The following CNTLN variants were observed in gnomAD, a reference collection of about 807,000 sequenced individuals.
CNTLN encodes centlein, also known as centlein, centrosomal protein.
A neutral mutation model predicts 180.0 loss-of-function variants in CNTLN; 212 were observed. The observed-to-expected ratio is 1.18, with a 90% confidence interval of 1.05 to 1.32. CNTLN has a LOEUF of 1.32. Among genes scored for constraint, CNTLN ranks in the 40% most tolerant of loss-of-function variants. The pLI, the probability that CNTLN is intolerant of heterozygous loss-of-function variation, is 0.00. For synonymous variants in CNTLN, 722 were observed against 563.1 expected, an observed-to-expected ratio of 1.28 and a Z score of -3.99; for missense variants, 2,095 against 1,610.9, an observed-to-expected ratio of 1.30 and a Z score of -5.14.
chr9:17,348,419 C>T (rs1822088605), intron 12 of CNTLN, among the ~76,000 whole-genome samples: 1 of 152,132 alleles, frequency 6.6e-6, no homozygotes, highest in African/African-American at 2.4e-5. Context: ...ACTTACTCCT[C>T]CCTTTTACCT....
At chr9:17,220,445 GT>G (rs1824054769) in intron 2 of CNTLN, among the ~76,000 whole-genome samples, 1 of 151,996 alleles carries the variant, frequency 6.6e-6, no homozygotes, top group Non-Finnish European at 1.5e-5. Context: ...ACATGTGCAG[GT>G]TTGTAATGTA....
At chr9:17,457,185 G>A (rs1468438726) in intron 18 of CNTLN, among the ~76,000 whole-genome samples, 2 of 152,052 alleles carry the variant, frequency 1.3e-5, no homozygotes, top group African/African-American at 4.8e-5. Context: ...TCCCAGTTAA[G>A]TACTACATCA....
At position 17,299,389 on chromosome 9, in the gene CNTLN, T is replaced by A. The variant is rs75640801; in HGVS notation, c.1146+1037T>A. The A allele has an allele frequency of 1.7e-3, 1,584 of 907,898 alleles. 29 individuals are homozygous for A. The East Asian group carries it at 0.05, about 29-fold the overall frequency. 56.2% of individuals were successfully genotyped at this position (907,898 alleles called of 1,614,324 possible). A position where few individuals can be genotyped will look rare whatever the true frequency, so the allele number is the denominator to read the frequency against. On this transcript the variant is annotated intron_variant, in intron 7 of 25. Coordinates refer to ENST00000380647, the MANE Select transcript of CNTLN (RefSeq NM_017738.4). ...TTGAGGCAAGTGAGGCTTAGAGAGG[T>A]TAAATAATACACAGTTCATATTATC...
chr9:17,237,859 T>G (rs1005109929), intron 5 of CNTLN, among the ~76,000 whole-genome samples: 12 of 152,154 alleles, frequency 7.9e-5, no homozygotes, highest in African/African-American at 2.4e-4. Flanking sequence ...TTAAGTCTAT[T>G]AGTGCACAAT....
At chr9:17,177,958 A>G (rs140409949) in intron 2 of CNTLN, among the ~76,000 whole-genome samples, 2,654 of 151,656 alleles carry the variant, frequency 0.018, 43 homozygotes, top group African/African-American at 0.046. Flanking sequence ...TGATTGGTGC[A>G]TTTACAATCC....
At chr9:17,409,733 AT>A (rs1366606642) in intron 16 of CNTLN, among the ~76,000 whole-genome samples, 1 of 152,066 alleles carries the variant, frequency 6.6e-6, no homozygotes, top group Non-Finnish European at 1.5e-5. Flanking sequence ...TAATAAGCTC[AT>A]TATTGTTTTC....
intron 2 of CNTLN, among the ~76,000 whole-genome samples, chr9:17,146,571 G>T (rs527404152): frequency 7.9e-5 from 12 of 152,200 alleles, no homozygotes; most frequent in African/African-American, 2.6e-4. Flanking sequence ...GCCATGTGAG[G>T]ATACAGAAGG....
At chr9:17,336,414 ACT>A (rs1353288390) in intron 10 of CNTLN, among the ~76,000 whole-genome samples, 2 of 152,166 alleles carry the variant, frequency 1.3e-5, no homozygotes, top group East Asian at 3.8e-4. Context: ...ATAAAACTTT[ACT>A]CTCTATTGCT....
chr9:17,511,451 A>G, the CNTLN span, among the ~76,000 whole-genome samples: 1 of 152,198 alleles, frequency 6.6e-6, no homozygotes, highest in Non-Finnish European at 1.5e-5. Context: ...GGCTGCAGTC[A>G]TCGCAAGGCT....
chr9:17,403,968 G>A (rs894598956), intron 15 of CNTLN, among the ~76,000 whole-genome samples: 1 of 151,600 alleles, frequency 6.6e-6, no homozygotes, highest in African/African-American at 2.4e-5. Context: ...TAGAGATGGG[G>A]TTTCACTATT....
chr9:17,388,542 T>A (rs1825860886), intron 14 of CNTLN, among the ~76,000 whole-genome samples: 2 of 152,068 alleles, frequency 1.3e-5, no homozygotes. Context: ...TATATGTGCT[T>A]GTTAGTTATA....
chr9:17,214,504 A>T (rs2131995948), intron 2 of CNTLN, among the ~76,000 whole-genome samples: 1 of 152,166 alleles, frequency 6.6e-6, no homozygotes, highest in East Asian at 1.9e-4. Flanking sequence ...CCGTCATTTC[A>T]ACTTTGGTGA....
At chr9:17,441,743 G>T (rs1408105319) in intron 18 of CNTLN, among the ~76,000 whole-genome samples, 2 of 152,052 alleles carry the variant, frequency 1.3e-5, no homozygotes, top group African/African-American at 4.8e-5. Context: ...CCCCAGTCAA[G>T]AGATGGAGAG....
the CNTLN span, among the ~76,000 whole-genome samples, chr9:17,513,809 G>T: frequency 2.0e-5 from 3 of 152,088 alleles, no homozygotes; most frequent in Admixed American, 6.5e-5. Flanking sequence ...CTGAAAAAAA[G>T]ATATAACGAA....
At chr9:17,406,038 A>C (rs1827363625) in intron 15 of CNTLN, among the ~76,000 whole-genome samples, 2 of 151,780 alleles carry the variant, frequency 1.3e-5, no homozygotes, top group South Asian at 2.1e-4. Flanking sequence ...TCATACTTGG[A>C]TATCAAATAG....
chr9:17,143,340 C>T lies in CNTLN; in HGVS notation c.413C>T (p.Pro138Leu). 1.9e-6 allele frequency: 3 copies of T among 1,613,678 alleles called. No homozygotes were observed. Among genetic ancestry groups the T allele is most frequent in the South Asian group, 2.2e-5 (2 of 91,040 alleles). ...TGGAAACGTCTCCAGGTTACAAACC[C>T]AGATCTCACACAAGTGGTCAGTTTG... ...SLWKRLQVTN[P>L]DLTQVVSLVV... Residue 138 changes from proline to leucine, a missense_variant, in exon 2 of 26, where the codon CCA (proline) becomes CTA (leucine). Transcript: ENST00000380647.
rs1316347416 is a variant in CNTLN at position 17,479,367 on chromosome 9, G to A, written c.3856-4928G>A. Among the ~76,000 whole-genome samples the A allele has an allele frequency of 3.3e-5, 5 of 152,238 alleles. No homozygotes were observed. The East Asian group carries it at 7.7e-4, about 23-fold the overall frequency. On this transcript the variant is annotated intron_variant, in intron 23 of 25. Transcript: ENST00000380647. ...AATTGATTACCCTTAAACAAAGAAGGAAATTCTGCAGTATGCAACAACATG... is the reference window on the plus strand; with the variant it reads ...AATTGATTACCCTTAAACAAAGAAGAAAATTCTGCAGTATGCAACAACATG...
chr9:17,144,363 G>C (rs2774623), intron 2 of CNTLN, among the ~76,000 whole-genome samples: 28,297 of 151,800 alleles, frequency 0.19, 2,720 homozygotes, highest in South Asian at 0.29. Flanking sequence ...AAGTACCCTT[G>C]TTACTTCCTC....
chr9:17,285,421 T>G (rs1828924156), intron 6 of CNTLN, among the ~76,000 whole-genome samples: 2 of 149,028 alleles, frequency 1.3e-5, no homozygotes, highest in Admixed American at 6.7e-5. Context: ...ACATTTGGGT[T>G]GGTTCCAAGT....
Sources: gnomAD v4.1 joint callset for allele counts (sites outside exome capture counted in the v4.1 genomes callset) on GRCh38, gnomAD v4.1.1 for gene constraint, MANE v1.5 for transcripts, NCBI Gene and HGNC (gene_info 2026-07-23, HGNC 2026-07-21) for gene names.